ESPL1: variants seen among roughly 807,000 people sequenced by gnomAD.
The protein encoded by ESPL1 is separin.
A neutral mutation model predicts 217.2 loss-of-function variants in ESPL1; 50 were observed. That is an observed-to-expected ratio of 0.23 (90% CI 0.18 to 0.29). The LOEUF (loss-of-function observed/expected upper bound fraction) is 0.29, where lower values mean the gene tolerates loss of function less well. Ranked by LOEUF, ESPL1 falls within the 10% of genes least tolerant of loss-of-function variation. ESPL1 has a pLI of 1.00. For synonymous variants in ESPL1, 994 were observed against 1,081.3 expected (o/e 0.92, Z 1.58); for missense variants, 1,834 against 2,603.0 (o/e 0.70, Z 6.43).
At position 53,292,232 on chromosome 12, in the gene ESPL1, C is replaced by G; in HGVS notation, c.5797-46C>G. On this transcript the variant is annotated intron_variant, in intron 27 of 30. Transcript: ENST00000257934. This position sits in a 1 kb window ranked among gnomAD's most constrained non-coding sequence, Gnocchi z 4.5. ...GGGGCTGAGATTGTTAGAGCTTGGGCCTCTTGGTGAGACAAGCATCCTAAT... is the reference window on the plus strand; with the variant it reads ...GGGGCTGAGATTGTTAGAGCTTGGGGCTCTTGGTGAGACAAGCATCCTAAT... The G allele has an allele frequency of 6.7e-7, 1 of 1,488,736 alleles. No individual in the cohort carries two copies. The highest frequency in any genetic ancestry group is 1.1e-5 in the South Asian group (1 of 88,558). 92.2% of individuals were successfully genotyped at this position (1,488,736 alleles called of 1,614,324 possible).
rs1351773560 is a variant in ESPL1, at chr12:53,272,745, A to G, written c.1394A>G (p.Tyr465Cys). The G allele has an allele frequency of 6.2e-7, 1 of 1,613,994 alleles. No homozygotes were observed. The change falls in exon 6 of 31, where the codon TAC (tyrosine) becomes TGC (cysteine). Residue 465 changes from tyrosine to cysteine, a missense_variant. Tyr to Cys is a radical substitution (Grantham distance 194). This residue lies in a region of ESPL1 where 746 missense variants were observed against 1,077.0 expected (regional missense o/e 0.69). Transcript: ENST00000257934. ...GCTTCTTACACCAGTAATTTGGCCTACAGCTTCTATAGTCACAAGCTCTAT... is the reference window on the plus strand; with the variant it reads ...GCTTCTTACACCAGTAATTTGGCCTGCAGCTTCTATAGTCACAAGCTCTAT... ...MTASYTSNLA[Y>C]SFYSHKLYAE...
rs1236582751 is a variant in ESPL1, at chr12:53,284,091, G to A, written c.3111G>A (p.Leu1037=). The change falls in exon 17 of 31, where the codon CTG becomes CTA. Residue 1037 remains leucine, a synonymous_variant. Coordinates refer to ENST00000257934, the MANE Select transcript of ESPL1 (RefSeq NM_012291.5). The part of the protein sequence containing the change: ...CALFLVLKGE[L]ELARNDIDLC... The stretch of plus-strand genomic sequence containing the variant: ...TGTTCCTGGTGCTGAAGGGCGAGCT[G>A]GAGCTGGCCCGCAATGACATTGATC... 1 of 1,613,898 alleles carries A rather than the reference G, an allele frequency of 6.2e-7. No homozygotes were observed. The highest frequency in any genetic ancestry group is 1.7e-5 in the Admixed American group (1 of 60,008).
chr12:53,277,899 G>A lies in ESPL1; in HGVS notation c.2303G>A (p.Cys768Tyr), dbSNP rs1943799281. The A allele has an allele frequency of 6.2e-7, 1 of 1,614,168 alleles. No homozygotes were observed. The highest frequency in any genetic ancestry group is 8.5e-7 in the Non-Finnish European group (1 of 1,180,040). The change falls in exon 11 of 31, where the codon TGT becomes TAT. Residue 768 changes from cysteine (C) to tyrosine (Y), a missense_variant. By Grantham distance (194) the Cys-to-Tyr change is radical. Coordinates refer to ENST00000257934, the MANE Select transcript of ESPL1 (RefSeq NM_012291.5). Reference sequence around the variant, plus strand: ...AAGGGGCAGGCCCCAGCTGTACGGTGTCTCCAGCAGACAGCAGCCTCACTG... The same window carrying A: ...AAGGGGCAGGCCCCAGCTGTACGGTATCTCCAGCAGACAGCAGCCTCACTG... The part of the protein sequence containing the change: ...LTKGQAPAVR[C>Y]LQQTAASLQI...
rs999966874 is a variant in ESPL1, at chr12:53,287,861, C to G, written c.4177-111C>G. 7 of 1,080,546 alleles carry G rather than the reference C, an allele frequency of 6.5e-6. No homozygotes were observed. The Admixed American group carries it at 9.4e-5, about 14-fold the overall frequency. 66.9% of individuals were successfully genotyped at this position (1,080,546 alleles called of 1,614,324 possible). A position where few individuals can be genotyped will look rare whatever the true frequency, so the allele number is the denominator to read the frequency against. On this transcript the variant is annotated intron_variant, in intron 18 of 30. Transcript: ENST00000257934. The stretch of plus-strand genomic sequence containing the variant: ...GTGAGAAGTTAGTTCTGAAATCTTC[C>G]AGGGTCCTGTGTGATGGTGCCTGAT...
intron 18 of ESPL1, 192 bp from the exon 19 acceptor site, chr12:53,287,768 TTCCCTCATTTTC>T (rs1178160254): frequency 1.9e-6 from 1 of 518,162 alleles, no homozygotes; most frequent in East Asian, 3.1e-5. Context: ...CCACCTTCTG[TTCCCTCATTTTC>T]TCCCTCCTTC....
intron 4 of ESPL1, 32 bp from the exon 5 acceptor site, chr12:53,270,646 T>G (rs1023293014): frequency 8.7e-6 from 14 of 1,613,906 alleles, no homozygotes; most frequent in Non-Finnish European, 1.1e-5. Context: ...CCAGCATGAC[T>G]CCTCACTCTC....
At chr12:53,284,271 A>C in intron 17 of ESPL1, 104 bp downstream of exon 17, 1 of 769,388 alleles carries the variant, frequency 1.3e-6, no homozygotes, top group Non-Finnish European at 2.3e-6. Flanking sequence ...TTTTTGAGAC[A>C]GAGTCTCACT....
intron 8 of ESPL1, 67 bp downstream of exon 8, chr12:53,276,926 C>A (rs1258676774): frequency 3.2e-6 from 5 of 1,580,190 alleles, no homozygotes; most frequent in Non-Finnish European, 3.4e-6. Flanking sequence ...CTCTTGAGAA[C>A]CAGTTTCCCT....
chr12:53,271,524 G>A (rs1029241674), intron 5 of ESPL1, among the ~76,000 whole-genome samples: 2 of 152,008 alleles, frequency 1.3e-5, no homozygotes, highest in African/African-American at 2.4e-5. Context: ...AGCCAGGCAA[G>A]GTGGTGCATG....
intron 11 of ESPL1, among the ~76,000 whole-genome samples, chr12:53,278,612 GATGGAGTCTCACT>G (rs758680896): frequency 3.5e-5 from 5 of 142,544 alleles, no homozygotes; most frequent in Non-Finnish European, 7.5e-5. Context: ...TTTTTTTCAA[GATGGAGTCTCACT>G]CTGTCGCCCA....
At chr12:53,268,989 T>A (rs998837399) in intron 2 of ESPL1, 35 bp from the exon 3 acceptor site, 1 of 1,572,294 alleles carries the variant, frequency 6.4e-7, no homozygotes, top group Admixed American at 1.7e-5. Context: ...TTTCCTGCCT[T>A]TGCTAGCCCC....
At position 53,293,139 on chromosome 12, in the gene ESPL1, C is replaced by A; in HGVS notation, c.6162-134C>A. The A allele has an allele frequency of 2.0e-6, 2 of 1,001,390 alleles. No homozygotes were observed. Among genetic ancestry groups the A allele is most frequent in the South Asian group, 1.5e-5 (1 of 66,314 alleles). 62.0% of individuals were successfully genotyped at this position (1,001,390 alleles called of 1,614,324 possible). A position where few individuals can be genotyped will look rare whatever the true frequency, so the allele number is the denominator to read the frequency against. On this transcript the variant is annotated intron_variant, in intron 30 of 30. Transcript: ENST00000257934. The surrounding 1 kb of genome is among the most constrained non-coding windows in gnomAD (Gnocchi z 4.2). ...ACCCTTAGCTCCCTTCTGTTCTTCT[C>A]TTGTAACCAAGGGCCAAAGGAGTTT...
chr12:53,268,411 G>A (rs1943606036), intron 1 of ESPL1, 34 bp downstream of exon 1: 1 of 269,666 alleles, frequency 3.7e-6, no homozygotes, highest in Admixed American at 5.0e-5. Flanking sequence ...GCGTGGGTAC[G>A]TGCTGAAGTG....
intron 5 of ESPL1, 135 bp from the exon 6 acceptor site, chr12:53,272,586 C>T: frequency 1.0e-6 from 1 of 996,176 alleles, no homozygotes; most frequent in Non-Finnish European, 1.5e-6. Context: ...TTCCCCATTC[C>T]TAGCAGTAGG....
In ESPL1 at chr12:53,270,763, C is replaced by A; in HGVS notation, c.1334C>A (p.Ser445Ter). ...VWMLEALEGL[S>*]GQELTDHMGM... The stretch of plus-strand genomic sequence containing the variant: ...ATGCTGGAGGCCTTAGAGGGCCTGT[C>A]GGGCCAAGAGCTGACGGACCACATG... The change falls in exon 5 of 31, where the codon TCG (serine) becomes TAG (stop). Residue 445 changes from serine (S) to a stop codon, truncating the protein, a stop_gained. Coordinates refer to ENST00000257934, the MANE Select transcript of ESPL1 (RefSeq NM_012291.5). LOFTEE classifies it high-confidence loss of function. 6.2e-7 allele frequency: 1 copy of A among 1,614,148 alleles called. No homozygotes were observed. The highest frequency in any genetic ancestry group is 8.5e-7 in the Non-Finnish European group (1 of 1,180,010).
rs140003811 is a variant in ESPL1, at chr12:53,286,033, C to A, written c.3297C>A (p.Leu1099=). 1.1e-5 allele frequency: 18 copies of A among 1,607,712 alleles called. No homozygotes were observed. Among genetic ancestry groups the A allele is most frequent in the Non-Finnish European group, 1.4e-5 (17 of 1,174,740 alleles). Residue 1099 remains leucine, a synonymous_variant, in exon 18 of 31, where the codon CTC becomes CTA. Transcript: ENST00000257934. This position sits in a 1 kb window ranked among gnomAD's most constrained non-coding sequence, Gnocchi z 5.3. ...PCPPQLPEEE[L]FLRGPALELV... is the part of the protein sequence containing the mutation. ...CTCCACAGCTCCCAGAGGAGGAGCT[C>A]TTCCTAAGAGGCCCTGCTCTAGAGC...
At chr12:53,285,168 A>G in intron 17 of ESPL1, among the ~76,000 whole-genome samples, 1 of 152,208 alleles carries the variant, frequency 6.6e-6, no homozygotes, top group South Asian at 2.1e-4. Context: ...TGAAGCTAAT[A>G]ATAAAACATT....
chr12:53,268,970 C>T (rs1943617347), intron 2 of ESPL1, 54 bp from the exon 3 acceptor site: 1 of 1,529,920 alleles, frequency 6.5e-7, no homozygotes, highest in South Asian at 1.1e-5. Context: ...TAGTTACTTT[C>T]TCTACCTCTT....
intron 5 of ESPL1, among the ~76,000 whole-genome samples, chr12:53,271,330 TC>T (rs748999042): frequency 6.6e-6 from 1 of 151,436 alleles, no homozygotes; most frequent in Non-Finnish European, 1.5e-5. Flanking sequence ...CAAGCGACTC[TC>T]CTGCCTCAGC....
Sources: gnomAD v4.1 joint callset for allele counts (sites outside exome capture counted in the v4.1 genomes callset) on GRCh38, gnomAD v4.1.1 for gene constraint, gnomAD v4.1.1 regional missense constraint, Gnocchi (gnomAD v3.1) non-coding constraint, MANE v1.5 for transcripts, NCBI Gene and HGNC (gene_info 2026-07-23, HGNC 2026-07-21) for gene names.